LINGO1: variants seen among roughly 807,000 people sequenced by gnomAD.
LINGO1 encodes leucine-rich repeat and immunoglobulin-like domain-containing nogo receptor-interacting protein 1.
In LINGO1, 11 loss-of-function variants were observed where a neutral mutation model predicts 37.3. That is an observed-to-expected ratio of 0.29 (90% CI 0.19 to 0.49). The LOEUF is 0.49. Ranked by LOEUF, LINGO1 falls within the 20% of genes least tolerant of loss-of-function variation. The pLI is 0.99. For missense variants in LINGO1, 585 were observed against 878.2 expected (o/e 0.67, Z 4.22); for synonymous variants, 387 against 403.0 (o/e 0.96, Z 0.48).
chr15:77,632,376 C>A lies in LINGO1; in HGVS notation c.-61G>T, dbSNP rs1297551767. The A allele has an allele frequency of 2.2e-6, 3 of 1,356,936 alleles. No individual in the cohort carries two copies. The highest frequency in any genetic ancestry group is 3.1e-5 in the East Asian group (1 of 31,824). The allele number at this position is 1,356,936 out of a possible 1,614,324, so 84.1% of individuals were successfully genotyped here. A position where few individuals can be genotyped will look rare whatever the true frequency, so the allele number is the denominator to read the frequency against. On this transcript the variant is annotated 5_prime_UTR_variant, in exon 1 of 2. Transcript: ENST00000355300. This position sits in a 1 kb window ranked among gnomAD's most constrained non-coding sequence, Gnocchi z 6.0. ...CAATCGCATGTCTCTCCAGCCGGCCCGACCAGGCCCCAGCCCCTGCCCAGC... is the reference window on the plus strand; with the variant it reads ...CAATCGCATGTCTCTCCAGCCGGCCAGACCAGGCCCCAGCCCCTGCCCAGC...
At chr15:77,734,879 G>C (rs182963284) in intron 2 of LINGO1, 1 of 152,464 alleles carries the variant, frequency 6.6e-6, no homozygotes, top group East Asian at 1.9e-4. Context: ...AAGGGAAAGG[G>C]GGGTCCAGGA....
upstream of LINGO1, chr15:77,634,127 C>A (rs916170049): frequency 9.9e-6 from 4 of 403,836 alleles, no homozygotes; most frequent in African/African-American, 8.2e-5. Context: ...CGCTGGAATC[C>A]CAGTTCCAGT....
rs1444219757 is a variant in LINGO1 at position 77,618,836 on chromosome 15, CCGCCCGCCTCGGCCT to C, written c.7-2951_7-2937del. On this transcript the variant is annotated intron_variant, in intron 1 of 1. Transcript: ENST00000355300. The stretch of plus-strand genomic sequence containing the variant: ...GGCCTCGATCTCCTGACCTCGTGAT[CCGCCCGCCTCGGCCT>C]CCCAAAGTGCTGGGATTACAGGCGT... 1.8e-4 allele frequency among the ~76,000 whole-genome samples: 22 copies of C among 122,776 alleles called. 11 individuals are homozygous for C. Among genetic ancestry groups the C allele is most frequent in the South Asian group, 6.7e-4 (2 of 2,968 alleles). The allele number at this position is 122,776 out of a possible 152,430, so 80.5% of individuals were successfully genotyped here. A position where few individuals can be genotyped will look rare whatever the true frequency, so the allele number is the denominator to read the frequency against.
chr15:77,638,643 GTTA>G (rs968559447), upstream of LINGO1, among the ~76,000 whole-genome samples: 3 of 152,218 alleles, frequency 2.0e-5, no homozygotes, highest in African/African-American at 7.2e-5. Context: ...GTCGGAGCCT[GTTA>G]TTAAGTCAAA....
At chr15:77,816,675 T>A (rs1342961000) in intron 1 of LINGO1, among the ~76,000 whole-genome samples, 2 of 152,124 alleles carry the variant, frequency 1.3e-5, no homozygotes, top group Non-Finnish European at 2.9e-5. Flanking sequence ...GGGGAGCCCC[T>A]GGCTGGAATT....
chr15:77,730,934 T>G (rs752007807), intron 2 of LINGO1, among the ~76,000 whole-genome samples: 7 of 152,162 alleles, frequency 4.6e-5, no homozygotes, highest in Non-Finnish European at 5.9e-5. Context: ...AAACCAGAGC[T>G]GGGTCCCCCA....
chr15:77,614,009 C>A lies in LINGO1; in HGVS notation c.*35G>T. ...TGGCGGCCAGGCCCCTTCCCCTGCC[C>A]GGCCGCCCGGGGGTCCCTGCCCCCC... On this transcript the variant is annotated 3_prime_UTR_variant, in exon 2 of 2. Coordinates refer to ENST00000355300, the MANE Select transcript of LINGO1 (RefSeq NM_032808.7). The A allele has an allele frequency of 6.6e-7, 1 of 1,525,038 alleles. No homozygotes were observed. 94.5% of individuals were successfully genotyped at this position (1,525,038 alleles called of 1,614,324 possible).
At chr15:77,628,360 A>G (rs190623980) in intron 1 of LINGO1, among the ~76,000 whole-genome samples, 2 of 152,352 alleles carry the variant, frequency 1.3e-5, no homozygotes, top group African/African-American at 4.8e-5. Flanking sequence ...ATGACAGAAC[A>G]TTATACATCA....
chr15:77,707,528 G>A (rs946456525), intron 2 of LINGO1: 1 of 152,252 alleles, frequency 6.6e-6, no homozygotes. Context: ...TGGGGCACCA[G>A]GGATTTTAGC....
intron 1 of LINGO1, among the ~76,000 whole-genome samples, chr15:77,810,569 C>T (rs141648080): frequency 6.6e-6 from 1 of 152,298 alleles, no homozygotes; most frequent in African/African-American, 2.4e-5. Flanking sequence ...AAGCCAGATG[C>T]CTGACTTATT....
chr15:77,811,201 G>C (rs1232808174), intron 1 of LINGO1, among the ~76,000 whole-genome samples: 1 of 152,156 alleles, frequency 6.6e-6, no homozygotes, highest in East Asian at 1.9e-4. Flanking sequence ...TGCCAACAGA[G>C]GCTCCCCTGG....
At chr15:77,766,991 A>G (rs766703101) in intron 1 of LINGO1, among the ~76,000 whole-genome samples, 9 of 152,228 alleles carry the variant, frequency 5.9e-5, no homozygotes, top group Non-Finnish European at 1.2e-4. Context: ...TAAGGGAGCC[A>G]GAGTTCCCTC....
At chr15:77,746,551 T>C (rs1409067509) in intron 1 of LINGO1, among the ~76,000 whole-genome samples, 1 of 152,106 alleles carries the variant, frequency 6.6e-6, no homozygotes, top group African/African-American at 2.4e-5. Flanking sequence ...AGGGGTAGAA[T>C]TGCCCCCATG....
intron 3 of LINGO1, among the ~76,000 whole-genome samples, chr15:77,655,417 C>T (rs1476888620): frequency 6.6e-6 from 1 of 152,150 alleles, no homozygotes; most frequent in East Asian, 1.9e-4. Context: ...CCCCTCCCTA[C>T]AATGCCACCT....
intron 3 of LINGO1, among the ~76,000 whole-genome samples, chr15:77,653,913 T>A (rs1371114311): frequency 6.6e-6 from 1 of 152,260 alleles, no homozygotes; most frequent in Non-Finnish European, 1.5e-5. Flanking sequence ...CCCTGTGTGC[T>A]AGTTCCCTGT....
chr15:77,659,967 A>T (rs2074952356), intron 3 of LINGO1: 1 of 152,240 alleles, frequency 6.6e-6, no homozygotes. Context: ...GAATCGTACC[A>T]TTATTGCACA....
At chr15:77,735,499 C>T (rs185835856) in intron 1 of LINGO1, among the ~76,000 whole-genome samples, 3 of 152,254 alleles carry the variant, frequency 2.0e-5, no homozygotes, top group East Asian at 1.9e-4. Context: ...GAAGGGAGTA[C>T]CCAGGGCCAC....
upstream of LINGO1, chr15:77,788,731 A>T (rs73455780): frequency 6.6e-6 from 1 of 152,226 alleles, no homozygotes; most frequent in Non-Finnish European, 1.5e-5. Context: ...GGCCTGTGAC[A>T]AAAACAGGCA....
intron 1 of LINGO1, among the ~76,000 whole-genome samples, chr15:77,737,439 A>G (rs1364460881): frequency 1.3e-5 from 2 of 151,960 alleles, no homozygotes; most frequent in Non-Finnish European, 2.9e-5. Context: ...AAGGGGAGGA[A>G]GGAGAGGGAG....
Sources: gnomAD v4.1 joint callset for allele counts (sites outside exome capture counted in the v4.1 genomes callset) on GRCh38, gnomAD v4.1.1 for gene constraint, Gnocchi (gnomAD v3.1) non-coding constraint, MANE v1.5 for transcripts, NCBI Gene and HGNC (gene_info 2026-07-23, HGNC 2026-07-21) for gene names.